The following PDE11A variants were observed in gnomAD, a reference collection of about 807,000 sequenced individuals.
PDE11A encodes dual 3',5'-cyclic-AMP and -GMP phosphodiesterase 11A.
Under a neutral mutation model 100.5 loss-of-function variants are expected in PDE11A, and 100 were observed. The ratio of observed to expected loss-of-function variants is 1.00; its 90% confidence interval spans 0.85 to 1.18. The LOEUF is 1.18. Among genes scored for constraint, PDE11A ranks in the 50% most tolerant of loss-of-function variants. The pLI is 0.00. For synonymous variants in PDE11A, 381 were observed against 420.8 expected (o/e 0.91, Z 1.16); for missense variants, 1,141 against 1,152.6 (o/e 0.99, Z 0.15).
intron 4 of PDE11A, among the ~76,000 whole-genome samples, chr2:177,879,361 A>C (rs561329127): frequency 3.3e-5 from 5 of 152,374 alleles, no homozygotes; most frequent in Non-Finnish European, 7.3e-5. Flanking sequence ...TGAGTTAAAC[A>C]AATCTTTGAT....
chr2:177,898,900 G>A (rs1174625189), intron 3 of PDE11A, among the ~76,000 whole-genome samples: 1 of 152,194 alleles, frequency 6.6e-6, no homozygotes. Flanking sequence ...GCCTGTAGAA[G>A]CAGGAGCTTA....
intron 6 of PDE11A, among the ~76,000 whole-genome samples, chr2:177,823,800 T>C (rs2083183064): frequency 6.6e-6 from 1 of 152,152 alleles, no homozygotes; most frequent in South Asian, 2.1e-4. Context: ...TCTGCTTTGT[T>C]TTGCTGTGGG....
chr2:178,101,388 C>T (rs1362565882), intron 2 of PDE11A, among the ~76,000 whole-genome samples: 1 of 152,230 alleles, frequency 6.6e-6, no homozygotes, highest in Non-Finnish European at 1.5e-5. Flanking sequence ...ACTCTCCCAA[C>T]ACATGGATGT....
intron 15 of PDE11A, among the ~76,000 whole-genome samples, chr2:177,689,319 T>C (rs1386285142): frequency 6.6e-6 from 1 of 152,178 alleles, no homozygotes; most frequent in Non-Finnish European, 1.5e-5. Flanking sequence ...TGACCTCAGG[T>C]GATCCACCTG....
intron 1 of PDE11A, among the ~76,000 whole-genome samples, chr2:178,035,064 C>T (rs2196341): frequency 0.51 from 76,325 of 150,994 alleles, 19,967 homozygotes; most frequent in East Asian, 0.71. Flanking sequence ...AAAAACCCTT[C>T]GAAAAAAATC....
At chr2:178,070,458 C>T (rs1574382222) in intron 1 of PDE11A, among the ~76,000 whole-genome samples, 1 of 152,276 alleles carries the variant, frequency 6.6e-6, no homozygotes, top group East Asian at 1.9e-4. Flanking sequence ...TCTAGAGAAA[C>T]ATGTAGCTCC....
chr2:177,938,256 TCTTAAAAGGGAAAAGA>T (rs891174138), intron 2 of PDE11A, among the ~76,000 whole-genome samples: 3 of 152,146 alleles, frequency 2.0e-5, no homozygotes, highest in African/African-American at 4.8e-5. Flanking sequence ...GCTTAGGGTT[TCTTAAAAGGGAAAAGA>T]CTTATCATCA....
intron 10 of PDE11A, among the ~76,000 whole-genome samples, chr2:177,739,142 G>A (rs2081836406): frequency 6.6e-6 from 1 of 152,190 alleles, no homozygotes; most frequent in Non-Finnish European, 1.5e-5. Context: ...ATGTTAGAGG[G>A]CAAAGGGAAC....
In PDE11A at chr2:177,939,537, AAGG is replaced by A. The variant is rs2085321731; in HGVS notation, c.1072-34353_1072-34351del. 7.5e-5 allele frequency among the ~76,000 whole-genome samples: 6 copies of A among 80,420 alleles called. No homozygotes were observed. In the South Asian group the frequency reaches 2.4e-3, roughly 32 times the overall value. The allele number at this position is 80,420 out of a possible 152,430, so 52.8% of individuals were successfully genotyped here. A position where few individuals can be genotyped will look rare whatever the true frequency, so the allele number is the denominator to read the frequency against. On this transcript the variant is annotated intron_variant, in intron 2 of 19. Coordinates refer to ENST00000286063, the MANE Select transcript of PDE11A (RefSeq NM_016953.4). ...GAGGGAAGGGAGGGAGGGAGGAAGG[AAGG>A]AAGGAAGGAAGGAAGGAAGGAAGGA...
chr2:178,013,008 A>C (rs548038713), intron 2 of PDE11A, among the ~76,000 whole-genome samples: 4 of 152,328 alleles, frequency 2.6e-5, no homozygotes, highest in Admixed American at 2.6e-4. Context: ...AAAGTGGCCT[A>C]CATTTATATT....
At chr2:178,065,338 A>C (rs2087029895) in intron 1 of PDE11A, among the ~76,000 whole-genome samples, 1 of 152,248 alleles carries the variant, frequency 6.6e-6, no homozygotes, top group South Asian at 2.1e-4. Flanking sequence ...CTTCCAAATT[A>C]AGCCAGGCTT....
At chr2:177,704,839 T>C (rs941276737) in intron 13 of PDE11A, among the ~76,000 whole-genome samples, 2 of 151,820 alleles carry the variant, frequency 1.3e-5, no homozygotes, top group South Asian at 4.1e-4. Context: ...TTTTAATTGA[T>C]TGTGAAACCT....
chr2:178,041,530 G>A (rs890040455), intron 1 of PDE11A, among the ~76,000 whole-genome samples: 2 of 152,186 alleles, frequency 1.3e-5, no homozygotes, highest in East Asian at 1.9e-4. Flanking sequence ...GTGAGCCATC[G>A]CACCCGGCCA....
intron 4 of PDE11A, among the ~76,000 whole-genome samples, chr2:177,890,731 C>A (rs1182472535): frequency 6.6e-6 from 1 of 152,164 alleles, no homozygotes; most frequent in East Asian, 1.9e-4. Flanking sequence ...ACTACCTGCC[C>A]TTTCCTTCCA....
chr2:177,855,720 C>G (rs2083820656), intron 5 of PDE11A, among the ~76,000 whole-genome samples: 1 of 151,926 alleles, frequency 6.6e-6, no homozygotes, highest in South Asian at 2.1e-4. Flanking sequence ...CCTTTACCCC[C>G]AGGGATATTT....
intron 2 of PDE11A, among the ~76,000 whole-genome samples, chr2:178,007,972 C>CT (rs1450126874): frequency 6.6e-6 from 1 of 152,040 alleles, no homozygotes; most frequent in Non-Finnish European, 1.5e-5. Context: ...TCCTAAAGTG[C>CT]TCAAATTACA....
chr2:178,053,070 A>T (rs1205889678), intron 1 of PDE11A, among the ~76,000 whole-genome samples: 1 of 152,192 alleles, frequency 6.6e-6, no homozygotes, highest in Admixed American at 6.5e-5. Context: ...AAAAAAGAGA[A>T]TTTTAGACCA....
chr2:177,848,200 T>C (rs1276948225), intron 5 of PDE11A, among the ~76,000 whole-genome samples: 1 of 152,178 alleles, frequency 6.6e-6, no homozygotes, highest in African/African-American at 2.4e-5. Context: ...GCTTCATACA[T>C]TTAAGTCACA....
At chr2:177,988,571 C>T (rs1365899198) in intron 2 of PDE11A, among the ~76,000 whole-genome samples, 1 of 152,178 alleles carries the variant, frequency 6.6e-6, no homozygotes, top group Non-Finnish European at 1.5e-5. Flanking sequence ...ATTTAAAGTC[C>T]TCCTGTCCCA....
Sources: gnomAD v4.1 joint callset for allele counts (sites outside exome capture counted in the v4.1 genomes callset) on GRCh38, gnomAD v4.1.1 for gene constraint, MANE v1.5 for transcripts, NCBI Gene and HGNC (gene_info 2026-07-23, HGNC 2026-07-21) for gene names.